NLRC5: variants seen among roughly 807,000 people sequenced by gnomAD.
NLRC5 encodes the protein NLR family CARD domain containing 5, also known as protein NLRC5.
A neutral mutation model predicts 206.9 loss-of-function variants in NLRC5; 114 were observed. That is an observed-to-expected ratio of 0.55 (90% CI 0.47 to 0.64). The LOEUF (loss-of-function observed/expected upper bound fraction) is 0.64, where lower values mean the gene tolerates loss of function less well. Among genes scored for constraint, NLRC5 ranks in the 30% least tolerant of loss-of-function variants. The probability of loss-of-function intolerance (pLI) is 0.00; values close to 1 mark genes in which losing one functional copy is unlikely to be tolerated. For missense variants in NLRC5, 2,008 were observed against 2,305.5 expected (o/e 0.87, Z 2.64); for synonymous variants, 952 against 962.8 (o/e 0.99, Z 0.21).
At chr16:57,061,969 G>C (rs2066566720) in intron 32 of NLRC5, 1 of 1,497,158 alleles carries the variant, frequency 6.7e-7, no homozygotes, top group Non-Finnish European at 8.9e-7. Context: ...AGAGGATACT[G>C]AACTGAGGAC....
intron 14 of NLRC5, among the ~76,000 whole-genome samples, chr16:57,036,670 T>G (rs2062622478): frequency 6.7e-6 from 1 of 148,670 alleles, no homozygotes; most frequent in Non-Finnish European, 1.5e-5. Flanking sequence ...TGGGTGGGGG[T>G]GTCTTGGGGG....
chr16:56,995,235 C>T (rs2057455398), intron 1 of NLRC5, among the ~76,000 whole-genome samples: 1 of 152,178 alleles, frequency 6.6e-6, no homozygotes, highest in Non-Finnish European at 1.5e-5. Context: ...TGCCCACCCA[C>T]CTCCTCCCCA....
At chr16:57,022,808 T>G (rs2060821965) in intron 4 of NLRC5, among the ~76,000 whole-genome samples, 1 of 152,250 alleles carries the variant, frequency 6.6e-6, no homozygotes, top group South Asian at 2.1e-4. Flanking sequence ...GGGTCACACT[T>G]TCATCTCAGC....
chr16:57,013,210 G>T, intron 1 of NLRC5: 3 of 460,898 alleles, frequency 6.5e-6, no homozygotes, highest in South Asian at 3.9e-5. Flanking sequence ...TAAAGGTTGC[G>T]AACAGTATCA....
chr16:57,005,830 G>A (rs944386664), intron 1 of NLRC5, among the ~76,000 whole-genome samples: 1 of 151,658 alleles, frequency 6.6e-6, no homozygotes, highest in Admixed American at 6.6e-5. Context: ...TGAGGTCGGG[G>A]AATCATATAA....
intron 36 of NLRC5, among the ~76,000 whole-genome samples, chr16:57,068,806 C>A (rs1166157371): frequency 2.0e-5 from 3 of 152,218 alleles, no homozygotes; most frequent in Admixed American, 2.0e-4. Context: ...TTAGTGTCAT[C>A]TCTTTAGTGT....
chr16:57,011,407 C>A (rs538113886), intron 1 of NLRC5, among the ~76,000 whole-genome samples: 1 of 130,412 alleles, frequency 7.7e-6, no homozygotes, highest in Non-Finnish European at 1.6e-5. Context: ...AGGGAGACTC[C>A]GTCTCAAAAA....
At chr16:57,073,322 C>G (rs1304321171) in intron 38 of NLRC5, among the ~76,000 whole-genome samples, 1 of 152,160 alleles carries the variant, frequency 6.6e-6, no homozygotes, top group Admixed American at 6.5e-5. Flanking sequence ...CTTCCCATCT[C>G]AGATCTGTCA....
At chr16:56,996,116 T>TA (rs1346832112) in intron 1 of NLRC5, among the ~76,000 whole-genome samples, 2 of 152,146 alleles carry the variant, frequency 1.3e-5, no homozygotes, top group Admixed American at 6.5e-5. Flanking sequence ...TCTGCAGCAA[T>TA]ACCCAGCTAC....
At chr16:56,995,908 G>C (rs147621002) in intron 1 of NLRC5, among the ~76,000 whole-genome samples, 6 of 152,308 alleles carry the variant, frequency 3.9e-5, no homozygotes, top group Admixed American at 3.9e-4. Context: ...TTCACAAGAG[G>C]ATTTTAGGAG....
At chr16:57,011,751 C>T (rs2142632154) in intron 1 of NLRC5, among the ~76,000 whole-genome samples, 1 of 151,310 alleles carries the variant, frequency 6.6e-6, no homozygotes, top group Middle Eastern at 3.4e-3. Flanking sequence ...GAAAATTAGA[C>T]TACCATCATA....
At chr16:57,006,463 G>A (rs917388308) in intron 1 of NLRC5, among the ~76,000 whole-genome samples, 3 of 124,734 alleles carry the variant, frequency 2.4e-5, no homozygotes, top group Non-Finnish European at 4.8e-5. Context: ...CTGTCGCCCA[G>A]GCTGGGGTGC....
chr16:57,033,487 C>T (rs1163365730), intron 11 of NLRC5, 117 bp from the exon 12 acceptor site: 6 of 885,788 alleles, frequency 6.8e-6, no homozygotes, highest in Non-Finnish European at 1.1e-5. Context: ...CCTTTGTTAC[C>T]GACTCACTTT....
chr16:57,044,556 G>A (rs771469465), intron 20 of NLRC5, among the ~76,000 whole-genome samples: 3 of 151,986 alleles, frequency 2.0e-5, no homozygotes, highest in Non-Finnish European at 4.4e-5. Flanking sequence ...TAACTGCTGC[G>A]AGCTCAGAGC....
Position 57,027,623 on chromosome 16 carries a change from AGGTACCCAG to A in NLRC5, c.2076-447_2076-439del, listed in dbSNP as rs1389847810. Among the ~76,000 whole-genome samples, 26 of 135,938 alleles carry A rather than the reference AGGTACCCAG, an allele frequency of 1.9e-4. No homozygotes were observed. The East Asian group carries it at 4.9e-3, about 25-fold the overall frequency. The allele number at this position is 135,938 out of a possible 152,430, so 89.2% of individuals were successfully genotyped here. On this transcript the variant is annotated intron_variant, in intron 6 of 48. Coordinates refer to ENST00000688547, the MANE Select transcript of NLRC5 (RefSeq NM_001384950.1). ...ATGGCTCAGCTCCACGCAGTCATGCAGGTACCCAGGTCCCTCCCATTTTGCTCCATTATC... is the reference window on the plus strand; with the variant it reads ...ATGGCTCAGCTCCACGCAGTCATGCAGTCCCTCCCATTTTGCTCCATTATC...
At chr16:57,040,746 G>C in intron 17 of NLRC5, 28 bp downstream of exon 17, 1 of 1,606,876 alleles carries the variant, frequency 6.2e-7, no homozygotes, top group Non-Finnish European at 8.5e-7. Flanking sequence ...AGCCCTGTGT[G>C]TGATTCCAGC....
chr16:57,059,541 T>C lies in NLRC5; in HGVS notation c.3986+9T>C. ...GCTGGGAAGACACTCAGGTAATCCC[T>C]GCAGGGTGATGGGACAGGGGACAGA... On this transcript the variant is annotated intron_variant, in intron 30 of 48. Transcript: ENST00000688547. 6.2e-7 allele frequency: 1 copy of C among 1,605,876 alleles called. No homozygotes were observed. Among genetic ancestry groups the C allele is most frequent in the Non-Finnish European group, 8.5e-7 (1 of 1,175,170 alleles).
rs577561979 is a variant in NLRC5, at chr16:57,022,397, G to T, written c.355+82G>T. 1.5e-5 allele frequency: 18 copies of T among 1,211,796 alleles called. No homozygotes were observed. The South Asian group carries it at 2.3e-4, about 15-fold the overall frequency. The allele number at this position is 1,211,796 out of a possible 1,614,324, so 75.1% of individuals were successfully genotyped here. ...TTCCAAGCTGGAGGAGGCTGTGGAG[G>T]CTGTGGTGGCTGGTCACAGCCATTT... On this transcript the variant is annotated intron_variant, in intron 4 of 48. Transcript: ENST00000688547.
chr16:57,047,361 G>T (rs1026333831), intron 22 of NLRC5, among the ~76,000 whole-genome samples, 184 bp from the exon 23 acceptor site: 1 of 152,074 alleles, frequency 6.6e-6, no homozygotes, highest in African/African-American at 2.4e-5. Flanking sequence ...CACTGTCACT[G>T]TCAGGGCAGG....
Sources: allele counts gnomAD v4.1 joint callset (sites outside exome capture counted in the v4.1 genomes callset), GRCh38; gene constraint gnomAD v4.1.1; transcripts MANE v1.5; gene names NCBI Gene and HGNC (gene_info 2026-07-23, HGNC 2026-07-21).